Variants in TMEM178B observed in about 807,000 individuals in gnomAD.
TMEM178B encodes transmembrane protein 178B.
Under a neutral mutation model 31.0 loss-of-function variants are expected in TMEM178B, and 5 were observed. The observed-to-expected ratio is 0.16, with a 90% CI of 0.08 to 0.34. The LOEUF (loss-of-function observed/expected upper bound fraction) is 0.34, where lower values mean the gene tolerates loss of function less well. Among genes scored for constraint, TMEM178B ranks in the 10% least tolerant of loss-of-function variants. The pLI is 1.00. For synonymous variants in TMEM178B, 164 were observed against 164.0 expected (o/e 1.00, Z 0.00); for missense variants, 275 against 400.3 (o/e 0.69, Z 2.67).
At chr7:141,159,490 T>C (rs1796131656) in intron 1 of TMEM178B, among the ~76,000 whole-genome samples, 1 of 152,286 alleles carries the variant, frequency 6.6e-6, no homozygotes, top group South Asian at 2.1e-4. Flanking sequence ...TGAAGAGATG[T>C]TTGTACACCC....
At chr7:141,399,806 G>A (rs1034701756) in intron 2 of TMEM178B, among the ~76,000 whole-genome samples, 9 of 152,064 alleles carry the variant, frequency 5.9e-5, no homozygotes, top group Non-Finnish European at 5.9e-5. Flanking sequence ...TTCCTCTGCT[G>A]GCCCTAGGGA....
chr7:141,104,484 CT>C (rs1323153530), intron 1 of TMEM178B, among the ~76,000 whole-genome samples: 1 of 152,184 alleles, frequency 6.6e-6, no homozygotes, highest in Non-Finnish European at 1.5e-5. Flanking sequence ...GAGTTTTATC[CT>C]CCCTCTATCT....
chr7:141,338,245 T>A (rs914243080), intron 2 of TMEM178B, among the ~76,000 whole-genome samples: 1 of 152,230 alleles, frequency 6.6e-6, no homozygotes, highest in African/African-American at 2.4e-5. Context: ...ATGATGTAGT[T>A]AAAGCCTTTA....
intron 2 of TMEM178B, among the ~76,000 whole-genome samples, chr7:141,359,843 C>T (rs1799886681): frequency 6.6e-6 from 1 of 152,168 alleles, no homozygotes; most frequent in African/African-American, 2.4e-5. Flanking sequence ...CACAGTTCTA[C>T]GTGGCTGGGG....
intron 2 of TMEM178B, among the ~76,000 whole-genome samples, chr7:141,306,883 T>C (rs1798824763): frequency 6.6e-6 from 1 of 152,182 alleles, no homozygotes; most frequent in African/African-American, 2.4e-5. Context: ...TCCATACAAA[T>C]GCCACTTCCA....
chr7:141,272,705 C>T (rs111231474), intron 2 of TMEM178B, among the ~76,000 whole-genome samples: 3,638 of 152,318 alleles, frequency 0.024, 96 homozygotes, highest in African/African-American at 0.063. Flanking sequence ...CCTTGCCATC[C>T]ACCCTGAGCA....
intron 1 of TMEM178B, among the ~76,000 whole-genome samples, chr7:141,090,632 A>G (rs931448495): frequency 2.6e-5 from 4 of 152,176 alleles, no homozygotes; most frequent in African/African-American, 9.7e-5. Context: ...TGAGTGGGTC[A>G]GTGATGTTGG....
At chr7:141,323,536 C>A (rs770897961) in intron 2 of TMEM178B, among the ~76,000 whole-genome samples, 1 of 152,132 alleles carries the variant, frequency 6.6e-6, no homozygotes, top group Non-Finnish European at 1.5e-5. Context: ...TATTATCTAA[C>A]CATTTTCTTG....
At chr7:141,402,433 T>G (rs569359468) in intron 2 of TMEM178B, among the ~76,000 whole-genome samples, 1 of 152,362 alleles carries the variant, frequency 6.6e-6, no homozygotes, top group South Asian at 2.1e-4. Flanking sequence ...TCATTCCTGC[T>G]AACTTTTCAC....
downstream of TMEM178B, among the ~76,000 whole-genome samples, chr7:141,483,254 A>G (rs140242013): frequency 1.4e-4 from 21 of 152,304 alleles, no homozygotes; most frequent in African/African-American, 4.3e-4. Context: ...ACACTGAGCT[A>G]TGTGCTGAGT....
At chr7:141,400,765 G>A (rs144590918) in intron 2 of TMEM178B, among the ~76,000 whole-genome samples, 3 of 152,334 alleles carry the variant, frequency 2.0e-5, no homozygotes, top group African/African-American at 7.2e-5. Context: ...TCTGGGCCTT[G>A]AGGTGTGAGT....
chr7:141,243,663 C>G (rs970337112), intron 2 of TMEM178B, among the ~76,000 whole-genome samples: 1 of 152,072 alleles, frequency 6.6e-6, no homozygotes, highest in African/African-American at 2.4e-5. Flanking sequence ...TTGTGGTTCC[C>G]CTACTGTACT....
chr7:141,160,150 C>A (rs1796144723), intron 1 of TMEM178B, among the ~76,000 whole-genome samples: 1 of 151,730 alleles, frequency 6.6e-6, no homozygotes, highest in Non-Finnish European at 1.5e-5. Context: ...TTGCTGCACC[C>A]ATCACCCGAG....
At chr7:141,436,665 G>T (rs369292031) in intron 2 of TMEM178B, among the ~76,000 whole-genome samples, 1 of 152,014 alleles carries the variant, frequency 6.6e-6, no homozygotes, top group Non-Finnish European at 1.5e-5. Context: ...ACGTGGAAGG[G>T]TAGGGGGCTT....
At chr7:141,299,453 C>T (rs1314900573) in intron 2 of TMEM178B, among the ~76,000 whole-genome samples, 1 of 152,188 alleles carries the variant, frequency 6.6e-6, no homozygotes, top group Non-Finnish European at 1.5e-5. Flanking sequence ...GCACCCAAAA[C>T]CCCTCCTCAG....
intron 1 of TMEM178B, among the ~76,000 whole-genome samples, chr7:141,127,419 G>A (rs985045377): frequency 2.0e-5 from 3 of 152,166 alleles, no homozygotes; most frequent in African/African-American, 7.2e-5. Context: ...AGATCATCCT[G>A]GATTTGGGGT....
At chr7:141,414,034 T>A (rs1801052975) in intron 2 of TMEM178B, among the ~76,000 whole-genome samples, 1 of 152,174 alleles carries the variant, frequency 6.6e-6, no homozygotes, top group Non-Finnish European at 1.5e-5. Context: ...CAATTTCATG[T>A]CTAGTTTTTT....
intron 1 of TMEM178B, among the ~76,000 whole-genome samples, chr7:141,141,281 T>A (rs1339083316): frequency 6.7e-6 from 1 of 149,834 alleles, no homozygotes; most frequent in Non-Finnish European, 1.5e-5. Flanking sequence ...CTTTGCCCCA[T>A]CAATTTTTTT....
intron 2 of TMEM178B, among the ~76,000 whole-genome samples, chr7:141,278,104 A>T (rs1268448085): frequency 6.6e-6 from 1 of 152,238 alleles, no homozygotes; most frequent in Non-Finnish European, 1.5e-5. Flanking sequence ...GGGAATATCT[A>T]AGAATTTTAG....
Sources: allele counts gnomAD v4.1 joint callset (sites outside exome capture counted in the v4.1 genomes callset), GRCh38; gene constraint gnomAD v4.1.1; transcripts MANE v1.5; gene names NCBI Gene and HGNC (gene_info 2026-07-23, HGNC 2026-07-21).